Variants in UPF1 observed in about 807,000 individuals in gnomAD.
UPF1 encodes UPF1 RNA helicase and ATPase.
A neutral mutation model predicts 129.2 loss-of-function variants in UPF1; 9 were observed. The ratio of observed to expected loss-of-function variants is 0.07; its 90% CI spans 0.04 to 0.12. The LOEUF (loss-of-function observed/expected upper bound fraction) is 0.12, where lower values mean the gene tolerates loss of function less well. UPF1 is among the 10% of genes least tolerant of loss of function. The pLI is 1.00. For missense variants in UPF1, 788 were observed against 1,525.3 expected (o/e 0.52, Z 8.05); for synonymous variants, 649 against 644.9 (o/e 1.01, Z -0.10).
chr19:18,862,307 C>T (rs1378210182), intron 18 of UPF1, among the ~76,000 whole-genome samples, 155 bp downstream of exon 18: 4 of 152,066 alleles, frequency 2.6e-5, no homozygotes, highest in Admixed American at 1.3e-4. Context: ...TCTTTGTTTC[C>T]GTGTCCTGGG....
Position 18,857,299 on chromosome 19 carries a change from TG to T in UPF1, c.1969-16del, listed in dbSNP as rs756780786. On this transcript the variant is annotated intron_variant, in intron 14 of 23. Coordinates refer to ENST00000262803, the MANE Select transcript of UPF1 (RefSeq NM_002911.4). Reference sequence around the variant, plus strand: ...ATTCACACCTGAGCTTCTTGACTTGTGGGGGCCCCTGTTCCTACAGCTGATC... The same window carrying T: ...ATTCACACCTGAGCTTCTTGACTTGTGGGGCCCCTGTTCCTACAGCTGATC... The T allele has an allele frequency of 1.3e-6, 2 of 1,597,830 alleles. No homozygotes were observed. Among genetic ancestry groups the T allele is most frequent in the South Asian group, 2.2e-5 (2 of 89,342 alleles).
At chr19:18,835,280 C>T (rs2055471426) in intron 1 of UPF1, among the ~76,000 whole-genome samples, 1 of 152,018 alleles carries the variant, frequency 6.6e-6, no homozygotes. Flanking sequence ...GTTCCCTGGC[C>T]GAGCATTCAG....
rs771360932 is a variant in UPF1 at position 18,850,677 on chromosome 19, C to T, written c.630-11C>T. The stretch of plus-strand genomic sequence containing the variant: ...GGGAGCTGGTCCTCACGGCCCCCTC[C>T]CGCTCTGCAGGCAGCCCTGTGCCAG... On this transcript the variant is annotated splice_polypyrimidine_tract_variant and intron_variant, in intron 4 of 23. Transcript: ENST00000262803. This position sits in a 1 kb window ranked among gnomAD's most constrained non-coding sequence, Gnocchi z 7.1. 87 of 1,562,204 alleles carry T rather than the reference C, an allele frequency of 5.6e-5. No individual in the cohort carries two copies. In the East Asian group the frequency reaches 1.1e-3, roughly 20 times the overall value.
chr19:18,863,452 T>C lies in UPF1; in HGVS notation c.2615T>C (p.Ile872Thr), dbSNP rs1326245627. ...CCTTGTTGCAGGTATGGCGTCATCA[T>C]TGTGGGCAACCCGAAGGCACTATCA... is the stretch of plus-strand genomic sequence containing the variant. ...ALTRARYGVI[I>T]VGNPKALSKQ... The change falls in exon 19 of 24, where the codon ATT (isoleucine) becomes ACT (threonine). Residue 872 changes from isoleucine (I) to threonine (T), a missense_variant. Ile to Thr is a moderately conservative substitution (Grantham distance 89, BLOSUM62 -1). Around this residue, in one of 6 missense-constraint regions of UPF1, gnomAD observed 140 missense variants for 385.9 expected, o/e 0.36. Coordinates refer to ENST00000262803, the MANE Select transcript of UPF1 (RefSeq NM_002911.4). 6.2e-7 allele frequency: 1 copy of C among 1,613,500 alleles called. No homozygotes were observed. Among genetic ancestry groups the C allele is most frequent in the Admixed American group, 1.7e-5 (1 of 60,008 alleles).
chr19:18,861,914 T>A, intron 17 of UPF1, 96 bp from the exon 18 acceptor site: 1 of 1,489,782 alleles, frequency 6.7e-7, no homozygotes, highest in South Asian at 1.3e-5. Flanking sequence ...AGCTCCCGGG[T>A]GGGATTTGAG....
At chr19:18,864,419 C>CT (rs1047847468) in intron 20 of UPF1, among the ~76,000 whole-genome samples, 168 bp downstream of exon 20, 2 of 152,250 alleles carry the variant, frequency 1.3e-5, no homozygotes, top group Non-Finnish European at 2.9e-5. Flanking sequence ...CGGAACACTC[C>CT]TGGGGTGTTT....
At position 18,865,862 on chromosome 19, in the gene UPF1, GCTGGC is replaced by G. The variant is rs2055838184; in HGVS notation, c.3237+91_3237+95del. 6.9e-6 allele frequency: 11 copies of G among 1,588,228 alleles called. No individual in the cohort carries two copies. Among genetic ancestry groups the G allele is most frequent in the Admixed American group, 1.7e-5 (1 of 59,102 alleles). ...CATTCCCTCTGAAGAGCCCCAGAGA[GCTGGC>G]CTGGCCCATGTCCACTGTCTGAATT... On this transcript the variant is annotated intron_variant, in intron 22 of 23. Coordinates refer to ENST00000262803, the MANE Select transcript of UPF1 (RefSeq NM_002911.4). The surrounding 1 kb of genome is among the most constrained non-coding windows in gnomAD (Gnocchi z 6.1).
chr19:18,856,416 C>T (rs1324110456), intron 13 of UPF1, 116 bp downstream of exon 13: 1 of 997,918 alleles, frequency 1.0e-6, no homozygotes, highest in Non-Finnish European at 1.5e-6. Flanking sequence ...AACTTAGATG[C>T]TCTCTACTTG....
At chr19:18,837,194 A>G (rs1291746066) in intron 1 of UPF1, among the ~76,000 whole-genome samples, 3 of 151,726 alleles carry the variant, frequency 2.0e-5, no homozygotes, top group East Asian at 3.9e-4. Context: ...GGCTCAAGCG[A>G]TCCTTCCACC....
At chr19:18,844,115 C>G (rs2055572249) in intron 1 of UPF1, among the ~76,000 whole-genome samples, 1 of 152,074 alleles carries the variant, frequency 6.6e-6, no homozygotes, top group Non-Finnish European at 1.5e-5. Context: ...AGCCCCTGTA[C>G]AGCTCTTAGA....
intron 18 of UPF1, among the ~76,000 whole-genome samples, chr19:18,862,363 C>G (rs2055789703): frequency 6.6e-6 from 1 of 152,150 alleles, no homozygotes; most frequent in Non-Finnish European, 1.5e-5. Flanking sequence ...ACGTATTTTT[C>G]CAGGCCCTTC....
intron 14 of UPF1, 62 bp downstream of exon 14, chr19:18,857,082 T>C: frequency 6.4e-7 from 1 of 1,571,790 alleles, no homozygotes; most frequent in Non-Finnish European, 8.6e-7. Flanking sequence ...GGTGTTTGTC[T>C]TTTAAAACAC....
intron 15 of UPF1, 38 bp downstream of exon 15, chr19:18,857,571 G>A (rs1474801596): frequency 6.5e-7 from 1 of 1,545,928 alleles, no homozygotes; most frequent in African/African-American, 1.4e-5. Context: ...CTTCTACAGA[G>A]AAGCGGCATC....
chr19:18,861,419 G>A (rs2055777910), intron 17 of UPF1, among the ~76,000 whole-genome samples: 1 of 152,232 alleles, frequency 6.6e-6, no homozygotes, highest in African/African-American at 2.4e-5. Context: ...GAGGAAATGA[G>A]CCCAAGTGCT....
In UPF1 at chr19:18,832,777, C is replaced by G. The variant is rs1478889851; in HGVS notation, c.231+337C>G. ...CTAACCTGACCCTGTTCCTTTACGC[C>G]AGCTGGGTTTGCTCCCCCTCCTGGG... On this transcript the variant is annotated intron_variant, in intron 1 of 23. Coordinates refer to ENST00000262803, the MANE Select transcript of UPF1 (RefSeq NM_002911.4). The surrounding 1 kb of genome is among the most constrained non-coding windows in gnomAD (Gnocchi z 5.6). 6.6e-6 allele frequency among the ~76,000 whole-genome samples: 1 copy of G among 152,030 alleles called. No individual in the cohort carries two copies. The highest frequency in any genetic ancestry group is 2.4e-5 in the African/African-American group (1 of 41,388).
At position 18,832,143 on chromosome 19, in the gene UPF1, G is replaced by C; in HGVS notation, c.-67G>C. On this transcript the variant is annotated 5_prime_UTR_variant, in exon 1 of 24. Transcript: ENST00000262803. The surrounding 1 kb of genome is among the most constrained non-coding windows in gnomAD (Gnocchi z 5.6). ...GCAGCGACCCGAGGCCTGCGGCCTA[G>C]GCCTCAGCGCGGCGGCGGGCTCGAG... The C allele has an allele frequency of 7.0e-7, 1 of 1,426,338 alleles. No individual in the cohort carries two copies. The highest frequency in any genetic ancestry group is 9.3e-7 in the Non-Finnish European group (1 of 1,074,068). 88.4% of individuals were successfully genotyped at this position (1,426,338 alleles called of 1,614,324 possible).
At chr19:18,864,092 C>A in intron 19 of UPF1, 78 bp from the exon 20 acceptor site, 4 of 1,337,790 alleles carry the variant, frequency 3.0e-6, no homozygotes, top group Non-Finnish European at 4.3e-6. Flanking sequence ...TACCTGCCAC[C>A]TCCCAGGCCA....
chr19:18,842,566 G>T (rs1238725395), intron 1 of UPF1, among the ~76,000 whole-genome samples: 1 of 152,168 alleles, frequency 6.6e-6, no homozygotes, highest in African/African-American at 2.4e-5. Context: ...CTTCCAGTTT[G>T]GGGGCCAGAC....
intron 19 of UPF1, 137 bp downstream of exon 19, chr19:18,863,749 A>G: frequency 1.0e-6 from 1 of 985,612 alleles, no homozygotes. Flanking sequence ...CTCCTAGGGG[A>G]GGGTGGGCCA....
Sources: allele counts gnomAD v4.1 joint callset (sites outside exome capture counted in the v4.1 genomes callset), GRCh38; gene constraint gnomAD v4.1.1; regional missense constraint gnomAD v4.1.1; non-coding constraint Gnocchi (gnomAD v3.1); transcripts MANE v1.5; gene names NCBI Gene and HGNC (gene_info 2026-07-23, HGNC 2026-07-21).